JAZF1: variants seen among roughly 807,000 people sequenced by gnomAD.
The protein encoded by JAZF1 is JAZF zinc finger 1.
JAZF1 carries 8 observed loss-of-function variants against 26.4 expected under a neutral mutation model. That is an observed-to-expected ratio of 0.30 (90% CI 0.18 to 0.55). JAZF1 has a LOEUF of 0.55. JAZF1 is among the 20% of genes least tolerant of loss of function. The probability of loss-of-function intolerance (pLI) is 0.94; values close to 1 mark genes in which losing one functional copy is unlikely to be tolerated. For missense variants in JAZF1, 199 were observed against 322.0 expected, an observed-to-expected ratio of 0.62 and a Z score of 2.92; for synonymous variants, 126 against 122.3, an observed-to-expected ratio of 1.03 and a Z score of -0.20.
At chr7:28,002,448 A>T (rs775916499) in intron 1 of JAZF1, among the ~76,000 whole-genome samples, 4 of 152,200 alleles carry the variant, frequency 2.6e-5, no homozygotes, top group Non-Finnish European at 5.9e-5. Flanking sequence ...CATACAAGTC[A>T]AACTGCCTCA....
At chr7:27,972,670 C>T (rs1785394535) in intron 2 of JAZF1, among the ~76,000 whole-genome samples, 1 of 152,100 alleles carries the variant, frequency 6.6e-6, no homozygotes, top group Non-Finnish European at 1.5e-5. Context: ...CAAACACATG[C>T]AAGCAAGCCT....
intron 1 of JAZF1, among the ~76,000 whole-genome samples, chr7:28,071,995 A>C (rs932718086): frequency 6.6e-6 from 1 of 152,368 alleles, no homozygotes; most frequent in East Asian, 1.9e-4. Flanking sequence ...TGTAAGTTTA[A>C]CATCGTAGTA....
intron 2 of JAZF1, among the ~76,000 whole-genome samples, chr7:27,900,558 C>T (rs1397219043): frequency 6.6e-6 from 1 of 152,122 alleles, no homozygotes; most frequent in African/African-American, 2.4e-5. Flanking sequence ...CTTTTTTCCT[C>T]CCCAAGTCAG....
chr7:28,055,981 G>C (rs1401086880), intron 1 of JAZF1, among the ~76,000 whole-genome samples: 3 of 152,090 alleles, frequency 2.0e-5, no homozygotes, highest in Non-Finnish European at 4.4e-5. Context: ...GTACTATGGT[G>C]CTTATCTTCT....
At chr7:28,054,552 G>A (rs1424451724) in intron 1 of JAZF1, among the ~76,000 whole-genome samples, 1 of 152,034 alleles carries the variant, frequency 6.6e-6, no homozygotes, top group Non-Finnish European at 1.5e-5. Flanking sequence ...TACACTTGCT[G>A]ACAGGATCTC....
intron 2 of JAZF1, among the ~76,000 whole-genome samples, chr7:27,920,761 A>T (rs915971245): frequency 6.6e-6 from 1 of 152,220 alleles, no homozygotes; most frequent in Admixed American, 6.5e-5. Context: ...ATCACCTGCT[A>T]AGATAAATTA....
intron 1 of JAZF1, among the ~76,000 whole-genome samples, chr7:28,170,892 T>C (rs35206872): frequency 6.6e-6 from 1 of 152,236 alleles, no homozygotes; most frequent in East Asian, 1.9e-4. Flanking sequence ...TTCCTGGCTG[T>C]TCTTTGCTCT....
At chr7:27,980,175 G>C (rs530623107) in intron 2 of JAZF1, among the ~76,000 whole-genome samples, 1 of 152,140 alleles carries the variant, frequency 6.6e-6, no homozygotes, top group Non-Finnish European at 1.5e-5. Context: ...CTAGAGCCTA[G>C]AGCCTAACTG....
chr7:27,989,369 A>G (rs1196274979), intron 2 of JAZF1, among the ~76,000 whole-genome samples: 2 of 152,254 alleles, frequency 1.3e-5, no homozygotes, highest in African/African-American at 2.4e-5. Flanking sequence ...CATTCAGGCC[A>G]TAGGCATGGA....
chr7:28,011,914 G>A (rs1981575), intron 1 of JAZF1, among the ~76,000 whole-genome samples: 6,532 of 152,144 alleles, frequency 0.043, 505 homozygotes, highest in African/African-American at 0.15. Context: ...GGTCACAGAA[G>A]GCAGCAAACA....
intron 1 of JAZF1, among the ~76,000 whole-genome samples, chr7:28,088,050 G>A (rs1784236306): frequency 6.6e-6 from 1 of 151,942 alleles, no homozygotes; most frequent in Admixed American, 6.6e-5. Context: ...CTACATCCTT[G>A]CCCCCCTCAT....
chr7:27,888,876 C>T (rs934197922), intron 3 of JAZF1, among the ~76,000 whole-genome samples: 2 of 152,124 alleles, frequency 1.3e-5, no homozygotes, highest in African/African-American at 4.8e-5. Flanking sequence ...CAAATATTTT[C>T]CAGGAGTAAC....
intron 1 of JAZF1, among the ~76,000 whole-genome samples, chr7:28,028,633 T>G (rs1371909794): frequency 6.6e-6 from 1 of 152,234 alleles, no homozygotes; most frequent in Non-Finnish European, 1.5e-5. Flanking sequence ...AAGAGTCAAT[T>G]GTCACGAATA....
chr7:27,831,436 T>C lies in JAZF1; in HGVS notation c.*1364A>G, dbSNP rs1709678543. On this transcript the variant is annotated 3_prime_UTR_variant, in exon 5 of 5. Transcript: ENST00000283928. ...TTATTAGGCAACTGGTAAACTCTCGTGTTTAAGGAATAGCACTTGGGAGAA... is the reference window on the plus strand; with the variant it reads ...TTATTAGGCAACTGGTAAACTCTCGCGTTTAAGGAATAGCACTTGGGAGAA... 4.4e-6 allele frequency: 1 copy of C among 228,876 alleles called. No homozygotes were observed. The highest frequency in any genetic ancestry group is 8.7e-6 in the Non-Finnish European group (1 of 115,072). 14.2% of individuals were successfully genotyped at this position (228,876 alleles called of 1,614,324 possible). A position where few individuals can be genotyped will look rare whatever the true frequency, so the allele number is the denominator to read the frequency against.
intron 1 of JAZF1, among the ~76,000 whole-genome samples, chr7:27,992,979 C>CATTA (rs1785933710): frequency 6.6e-6 from 1 of 152,116 alleles, no homozygotes; most frequent in South Asian, 2.1e-4. Context: ...CTCCAAAGTG[C>CATTA]ATTAACAGGT....
intron 1 of JAZF1, among the ~76,000 whole-genome samples, chr7:28,051,045 T>G (rs1783603975): frequency 6.8e-6 from 1 of 147,252 alleles, no homozygotes; most frequent in African/African-American, 2.5e-5. Flanking sequence ...GACAGGAGAA[T>G]CGCGTGAACC....
At chr7:27,838,152 G>A (rs898738731) in intron 4 of JAZF1, among the ~76,000 whole-genome samples, 1 of 151,756 alleles carries the variant, frequency 6.6e-6, no homozygotes, top group African/African-American at 2.4e-5. Context: ...CCATTCCCTG[G>A]GTGTCTTGTC....
intron 1 of JAZF1, among the ~76,000 whole-genome samples, chr7:28,114,597 T>G (rs1169425311): frequency 3.4e-5 from 2 of 58,050 alleles, no homozygotes; most frequent in Non-Finnish European, 5.0e-5. Flanking sequence ...TCTTTTTAGG[T>G]TTTTTTTTTT....
At chr7:27,833,696 G>C (rs1272757258) in intron 4 of JAZF1, among the ~76,000 whole-genome samples, 2 of 152,208 alleles carry the variant, frequency 1.3e-5, no homozygotes, top group Non-Finnish European at 2.9e-5. Context: ...TAGTCACTAA[G>C]ATTGGACTTC....
Sources: allele counts gnomAD v4.1 joint callset (sites outside exome capture counted in the v4.1 genomes callset), GRCh38; gene constraint gnomAD v4.1.1; transcripts MANE v1.5; gene names NCBI Gene and HGNC (gene_info 2026-07-23, HGNC 2026-07-21).